Variants in UTRN observed in about 807,000 individuals in gnomAD.
UTRN encodes the protein utrophin, also known as dystrophin-related protein 1.
Under a neutral mutation model 463.9 loss-of-function variants are expected in UTRN, and 283 were observed. The ratio of observed to expected loss-of-function variants is 0.61; its 90% CI spans 0.55 to 0.67. UTRN has a LOEUF of 0.67. UTRN is among the 30% of genes least tolerant of loss of function. UTRN has a pLI of 0.00. For synonymous variants in UTRN, 1,442 were observed against 1,431.5 expected (o/e 1.01, Z -0.17); for missense variants, 3,922 against 4,084.3 (o/e 0.96, Z 1.08).
intron 60 of UTRN, among the ~76,000 whole-genome samples, chr6:144,776,662 C>T (rs142896842): frequency 4.9e-4 from 75 of 152,260 alleles, no homozygotes; most frequent in African/African-American, 1.7e-3. Context: ...TCTGCTCCAC[C>T]GGGGCATCAC....
intron 26 of UTRN, among the ~76,000 whole-genome samples, chr6:144,480,282 A>C (rs903693657): frequency 1.3e-5 from 2 of 152,178 alleles, no homozygotes; most frequent in African/African-American, 4.8e-5. Context: ...GGTAGTGGGC[A>C]TGAGGAAGAA....
intron 53 of UTRN, among the ~76,000 whole-genome samples, chr6:144,703,200 A>T (rs1392544164): frequency 1.3e-5 from 2 of 152,194 alleles, no homozygotes; most frequent in African/African-American, 4.8e-5. Flanking sequence ...GAAGTCAAAG[A>T]TTTTTGGACA....
intron 66 of UTRN, among the ~76,000 whole-genome samples, chr6:144,826,200 G>GA (rs1181112091): frequency 7.2e-6 from 1 of 138,432 alleles, no homozygotes; most frequent in Non-Finnish European, 1.5e-5. Flanking sequence ...GCCTGGTTCT[G>GA]AAAATAGATC....
At position 144,689,046 on chromosome 6, in the gene UTRN, C is replaced by T. The variant is rs149022638; in HGVS notation, c.7652+10468C>T. 7.5e-4 allele frequency among the ~76,000 whole-genome samples: 114 copies of T among 152,302 alleles called. 1 individual carries two copies. In the East Asian group the frequency reaches 0.021, roughly 28 times the overall value. ...CAGCAGGAAAGCCCCACTACCCAGT[C>T]ACTCTCCTGACCCAGTTTCCTGGCT... is the stretch of plus-strand genomic sequence containing the variant. On this transcript the variant is annotated intron_variant, in intron 52 of 74. Coordinates refer to ENST00000367545, the MANE Select transcript of UTRN (RefSeq NM_007124.3).
At chr6:144,371,951 A>G (rs1300076374) in intron 2 of UTRN, among the ~76,000 whole-genome samples, 1 of 152,202 alleles carries the variant, frequency 6.6e-6, no homozygotes, top group Non-Finnish European at 1.5e-5. Context: ...CAAAAATACC[A>G]TTTGTATTCT....
At chr6:144,449,858 C>G (rs2128556474) in intron 17 of UTRN, among the ~76,000 whole-genome samples, 1 of 152,284 alleles carries the variant, frequency 6.6e-6, no homozygotes, top group East Asian at 1.9e-4. Flanking sequence ...AGCTTTGTGA[C>G]ATGGGACAGT....
intron 39 of UTRN, among the ~76,000 whole-genome samples, chr6:144,518,457 C>T (rs1795819304): frequency 6.6e-6 from 1 of 152,246 alleles, no homozygotes; most frequent in African/African-American, 2.4e-5. Flanking sequence ...TTCCTAAACA[C>T]ATCATGTGCC....
chr6:144,358,607 G>T (rs1465914737), intron 2 of UTRN, among the ~76,000 whole-genome samples: 1 of 151,954 alleles, frequency 6.6e-6, no homozygotes, highest in Admixed American at 6.6e-5. Context: ...ATTAACTCTT[G>T]TGTTGTTTAA....
chr6:144,430,052 T>G (rs1785656396), intron 9 of UTRN, among the ~76,000 whole-genome samples: 1 of 152,218 alleles, frequency 6.6e-6, no homozygotes, highest in Non-Finnish European at 1.5e-5. Context: ...CAGCTTTTAT[T>G]TCTGTCATGT....
intron 50 of UTRN, among the ~76,000 whole-genome samples, chr6:144,564,571 C>T (rs1399249133): frequency 6.6e-6 from 1 of 152,090 alleles, no homozygotes; most frequent in Non-Finnish European, 1.5e-5. Context: ...ACTTATAGTT[C>T]AGCATGGCAG....
At chr6:144,658,762 C>T (rs1208014057) in intron 51 of UTRN, among the ~76,000 whole-genome samples, 1 of 152,142 alleles carries the variant, frequency 6.6e-6, no homozygotes. Flanking sequence ...TCACATTTGC[C>T]TTGGAATGAT....
chr6:144,786,540 TCCCAAA>T (rs753561836), intron 61 of UTRN, among the ~76,000 whole-genome samples: 5 of 152,082 alleles, frequency 3.3e-5, no homozygotes, highest in South Asian at 4.1e-4. Context: ...TGCCTCAGCC[TCCCAAA>T]GTGCTGAGAT....
chr6:144,365,142 C>A (rs1394493421), intron 2 of UTRN, among the ~76,000 whole-genome samples: 13 of 152,184 alleles, frequency 8.5e-5, no homozygotes. Context: ...TTGATTTTCA[C>A]TTCTTTTAAA....
At chr6:144,735,181 G>T (rs1187592319) in intron 54 of UTRN, among the ~76,000 whole-genome samples, 2 of 152,208 alleles carry the variant, frequency 1.3e-5, no homozygotes, top group East Asian at 3.8e-4. Flanking sequence ...CCGTAGTCAT[G>T]CACTCAGTTG....
rs767018013 is a variant in UTRN at position 144,751,851 on chromosome 6, G to A, written c.8254G>A (p.Val2752Met). 2 of 1,611,414 alleles carry A rather than the reference G, an allele frequency of 1.2e-6. No homozygotes were observed. The highest frequency in any genetic ancestry group is 1.1e-5 in the South Asian group (1 of 90,684). ...ACCAATCAACTTTAAAGTTAAAACG[G>A]TGAATGATTTATCCAGTCAGCTGTC... ...IAPINFKVKT[V>M]NDLSSQLSPL... Residue 2752 changes from valine to methionine, a missense_variant, in exon 56 of 75, where the codon GTG becomes ATG. Coordinates refer to ENST00000367545, the MANE Select transcript of UTRN (RefSeq NM_007124.3).
In UTRN at chr6:144,499,302, C is replaced by T. The variant is rs776017031; in HGVS notation, c.4639C>T (p.Arg1547Trp). 6.9e-5 allele frequency: 111 copies of T among 1,612,690 alleles called. No homozygotes were observed. The highest frequency in any genetic ancestry group is 1.2e-4 in the Admixed American group (7 of 59,966). ...QDLERASQLA[R>W]KMKKEAASLS... ...TCTGGAAAGAGCATCACAGTTGGCCCGGAAAATGAAGAAAGAGGCTGCTTC... is the reference window on the plus strand; with the variant it reads ...TCTGGAAAGAGCATCACAGTTGGCCTGGAAAATGAAGAAAGAGGCTGCTTC... Residue 1547 changes from arginine to tryptophan, a missense_variant, in exon 34 of 75, where the codon CGG becomes TGG. Transcript: ENST00000367545.
At chr6:144,778,560 T>C (rs1010156464) in intron 60 of UTRN, among the ~76,000 whole-genome samples, 1 of 151,796 alleles carries the variant, frequency 6.6e-6, no homozygotes, top group Non-Finnish European at 1.5e-5. Context: ...ATGTGAAACC[T>C]TGAGCTCTGC....
At chr6:144,737,193 T>C (rs770574294) in intron 54 of UTRN, among the ~76,000 whole-genome samples, 1 of 152,152 alleles carries the variant, frequency 6.6e-6, no homozygotes, top group Non-Finnish European at 1.5e-5. Context: ...TGCAGATCCT[T>C]TTCTTAGATC....
chr6:144,446,352 G>A (rs1362195831), intron 14 of UTRN, among the ~76,000 whole-genome samples: 3 of 152,144 alleles, frequency 2.0e-5, no homozygotes, highest in Non-Finnish European at 2.9e-5. Context: ...CTAGACTGAG[G>A]ACAGTATCCA....
Sources: gnomAD v4.1 joint callset for allele counts (sites outside exome capture counted in the v4.1 genomes callset) on GRCh38, gnomAD v4.1.1 for gene constraint, MANE v1.5 for transcripts, NCBI Gene and HGNC (gene_info 2026-07-23, HGNC 2026-07-21) for gene names.